The following CAMKK2 variants were observed in gnomAD, a reference collection of about 807,000 sequenced individuals.
CAMKK2 encodes calcium/calmodulin dependent protein kinase kinase 2, also known as calcium/calmodulin-dependent protein kinase kinase 2.
CAMKK2 carries 30 observed loss-of-function variants against 67.2 expected under a neutral mutation model. The ratio of observed to expected loss-of-function variants is 0.45; its 90% CI spans 0.33 to 0.61. CAMKK2 has a LOEUF of 0.61. CAMKK2 is among the 20% of genes least tolerant of loss of function. CAMKK2 has a pLI of 0.02. For synonymous variants in CAMKK2, 322 were observed against 326.2 expected (o/e 0.99, Z 0.14); for missense variants, 643 against 802.0 (o/e 0.80, Z 2.39).
chr12:121,259,219 C>T (rs1892958571), intron 7 of CAMKK2, among the ~76,000 whole-genome samples: 1 of 152,192 alleles, frequency 6.6e-6, no homozygotes, highest in African/African-American at 2.4e-5. Flanking sequence ...CTTGGTGAGA[C>T]ATTCCCTGGG....
rs779102935 is a variant in CAMKK2 at position 121,240,476 on chromosome 12, G to T, written c.*223C>A. On this transcript the variant is annotated 3_prime_UTR_variant, in exon 17 of 17. Coordinates refer to ENST00000404169, the MANE Select transcript of CAMKK2 (RefSeq NM_001270485.2). The surrounding 1 kb of genome is among the most constrained non-coding windows in gnomAD (Gnocchi z 4.4). ...TTTGGGTCTGCAACTCCTCACACCC[G>T]CCTGTCCAGCCAGCCAGCGGCCACG... 6.5e-7 allele frequency: 1 copy of T among 1,535,020 alleles called. No homozygotes were observed. The highest frequency in any genetic ancestry group is 1.7e-4 in the Middle Eastern group (1 of 5,958).
Position 121,249,941 on chromosome 12 carries a change from G to A in CAMKK2, c.1235+20C>T. On this transcript the variant is annotated intron_variant, in intron 12 of 16. Coordinates refer to ENST00000404169, the MANE Select transcript of CAMKK2 (RefSeq NM_001270485.2). ...CAAGAACTCGGACAGGAGAGATGCG[G>A]GACGGCGGGAGATACTCACTGGTCT... is the stretch of plus-strand genomic sequence containing the variant. 1 of 1,613,662 alleles carries A rather than the reference G, an allele frequency of 6.2e-7. No individual in the cohort carries two copies. The highest frequency in any genetic ancestry group is 1.1e-5 in the South Asian group (1 of 91,068).
In CAMKK2 at chr12:121,296,111, G is replaced by T. The variant is rs1427728686; in HGVS notation, c.-60+527C>A. ...AAGGGCAGACCGAAGACAGCCAAAGGTCCCCTAGGTCCCCACAACTGCTGG... is the reference window on the plus strand; with the variant it reads ...AAGGGCAGACCGAAGACAGCCAAAGTTCCCCTAGGTCCCCACAACTGCTGG... On this transcript the variant is annotated intron_variant, in intron 1 of 16. Coordinates refer to ENST00000404169, the MANE Select transcript of CAMKK2 (RefSeq NM_001270485.2). This position sits in a 1 kb window ranked among gnomAD's most constrained non-coding sequence, Gnocchi z 7.1. Among the ~76,000 whole-genome samples, 1 of 152,152 alleles carries T rather than the reference G, an allele frequency of 6.6e-6. No individual in the cohort carries two copies. The highest frequency in any genetic ancestry group is 2.4e-5 in the African/African-American group (1 of 41,442).
chr12:121,271,460 A>C (rs1197009736), intron 2 of CAMKK2, among the ~76,000 whole-genome samples: 1 of 152,032 alleles, frequency 6.6e-6, no homozygotes, highest in Non-Finnish European at 1.5e-5. Context: ...GTACTTTGTC[A>C]AAATGTAACC....
chr12:121,255,320 A>ATATAATTT (rs1566059691), intron 9 of CAMKK2, among the ~76,000 whole-genome samples: 43 of 52,808 alleles, frequency 8.1e-4, no homozygotes, highest in Non-Finnish European at 1.0e-3. Flanking sequence ...ATAATTTTAT[A>ATATAATTT]TATATATAAT....
chr12:121,281,041 T>C (rs1347772425), intron 1 of CAMKK2, among the ~76,000 whole-genome samples: 136 of 146,014 alleles, frequency 9.3e-4, no homozygotes, highest in Middle Eastern at 3.4e-3. Flanking sequence ...CTGGTTTTTG[T>C]GGCTTGTGGG....
intron 1 of CAMKK2, among the ~76,000 whole-genome samples, chr12:121,286,149 A>C (rs1182772054): frequency 2.0e-5 from 3 of 152,204 alleles, no homozygotes; most frequent in African/African-American, 7.2e-5. Flanking sequence ...CATCATTTAC[A>C]GTCAAGGGCC....
intron 1 of CAMKK2, among the ~76,000 whole-genome samples, chr12:121,276,903 G>C (rs1483099014): frequency 1.7e-5 from 1 of 59,138 alleles, no homozygotes; most frequent in Admixed American, 1.7e-4. Context: ...AGGGCGGGGT[G>C]GGGGGGGGGT....
intron 5 of CAMKK2, among the ~76,000 whole-genome samples, chr12:121,265,741 C>T (rs1263530679): frequency 6.6e-6 from 1 of 151,922 alleles, no homozygotes; most frequent in Non-Finnish European, 1.5e-5. Context: ...GCCTGTAGCC[C>T]CAGCTACTTG....
upstream of CAMKK2, chr12:121,297,352 C>A: frequency 3.2e-6 from 1 of 317,344 alleles, no homozygotes; most frequent in South Asian, 2.5e-5. Flanking sequence ...AGCCCCCTTC[C>A]GCAGCTGCCT....
In CAMKK2 at chr12:121,253,628, C is replaced by T. The variant is rs1182093001; in HGVS notation, c.908-156G>A. 6.6e-6 allele frequency among the ~76,000 whole-genome samples: 1 copy of T among 152,122 alleles called. No individual in the cohort carries two copies. Among genetic ancestry groups the T allele is most frequent in the African/African-American group, 2.4e-5 (1 of 41,414 alleles). On this transcript the variant is annotated intron_variant, in intron 9 of 16. Coordinates refer to ENST00000404169, the MANE Select transcript of CAMKK2 (RefSeq NM_001270485.2). The surrounding 1 kb of genome is among the most constrained non-coding windows in gnomAD (Gnocchi z 5.0). ...TTTCCAACCTTCCACTCCCCAAACCCGCTGGGCACTGACATGCTCTAAAAG... is the reference window on the plus strand; with the variant it reads ...TTTCCAACCTTCCACTCCCCAAACCTGCTGGGCACTGACATGCTCTAAAAG...
intron 9 of CAMKK2, among the ~76,000 whole-genome samples, chr12:121,255,341 T>TTTATATATAA (rs1891966881): frequency 1.4e-4 from 4 of 28,074 alleles, no homozygotes; most frequent in Non-Finnish European, 2.1e-4. Context: ...TATATATAAT[T>TTTATATATAA]TTATATATAT....
intron 6 of CAMKK2, 137 bp from the exon 7 acceptor site, chr12:121,260,492 C>T: frequency 1.4e-6 from 1 of 737,558 alleles, no homozygotes; most frequent in Non-Finnish European, 2.4e-6. Flanking sequence ...GCGTGTTTCC[C>T]AGTTAAGATG....
intron 2 of CAMKK2, 53 bp from the exon 3 acceptor site, chr12:121,270,998 G>T: frequency 6.8e-7 from 1 of 1,462,898 alleles, no homozygotes; most frequent in African/African-American, 1.4e-5. Context: ...TGCAACTAGA[G>T]GCCAGGCACG....
In CAMKK2 at chr12:121,240,782, C is replaced by G. The variant is rs1218687088; in HGVS notation, c.1684G>C (p.Val562Leu). Reference protein sequence around the residue: ...GSALVRGSPCVESCWAPAPGS... With the variant: ...GSALVRGSPCLESCWAPAPGS... ...GGGGCGGGGGCCCAGCAACTTTCCA[C>G]GCAGGGACTGCCTCTCACAAGAGCA... Residue 562 changes from valine (V) to leucine (L), a missense_variant, in exon 17 of 17, where the codon GTG becomes CTG. Physicochemically the swap from Val to Leu is conservative, Grantham distance 32. Transcript: ENST00000404169. This position sits in a 1 kb window ranked among gnomAD's most constrained non-coding sequence, Gnocchi z 4.4. The G allele has an allele frequency of 3.1e-6, 5 of 1,609,448 alleles. No individual in the cohort carries two copies. In the African/African-American group the frequency reaches 5.4e-5, roughly 17 times the overall value.
intron 12 of CAMKK2, 21 bp downstream of exon 12, chr12:121,249,940 G>C (rs201335956): frequency 6.2e-7 from 1 of 1,613,436 alleles, no homozygotes; most frequent in East Asian, 2.2e-5. Flanking sequence ...GGAGAGATGC[G>C]GGACGGCGGG....
At chr12:121,295,760 G>A (rs1475789253) in intron 1 of CAMKK2, among the ~76,000 whole-genome samples, 2 of 152,214 alleles carry the variant, frequency 1.3e-5, no homozygotes, top group Non-Finnish European at 2.9e-5. Flanking sequence ...CAGCCTTCTC[G>A]GGGAGATCGG....
At chr12:121,247,126 C>T (rs984160490) in intron 14 of CAMKK2, among the ~76,000 whole-genome samples, 7 of 150,986 alleles carry the variant, frequency 4.6e-5, no homozygotes, top group Non-Finnish European at 1.0e-4. Flanking sequence ...TGTGTTAGCC[C>T]GTCCGCCCTC....
intron 1 of CAMKK2, among the ~76,000 whole-genome samples, chr12:121,286,082 A>G (rs926491198): frequency 1.3e-5 from 2 of 152,130 alleles, no homozygotes; most frequent in African/African-American, 4.8e-5. Context: ...CTCAATTTTT[A>G]ACTACATGAG....
Sources: allele counts gnomAD v4.1 joint callset (sites outside exome capture counted in the v4.1 genomes callset), GRCh38; gene constraint gnomAD v4.1.1; non-coding constraint Gnocchi (gnomAD v3.1); transcripts MANE v1.5; gene names NCBI Gene and HGNC (gene_info 2026-07-23, HGNC 2026-07-21).